ABL1: variants seen among roughly 807,000 people sequenced by gnomAD.
ABL1 encodes ABL proto-oncogene 1, non-receptor tyrosine kinase.
A neutral mutation model predicts 94.7 loss-of-function variants in ABL1; 11 were observed. The ratio of observed to expected loss-of-function variants is 0.12; its 90% CI spans 0.07 to 0.19. The LOEUF (loss-of-function observed/expected upper bound fraction) is 0.19. Among genes scored for constraint, ABL1 ranks in the 10% least tolerant of loss-of-function variants. The probability of loss-of-function intolerance (pLI) is 1.00; values close to 1 mark genes in which losing one functional copy is unlikely to be tolerated. For missense variants in ABL1, 1,082 were observed against 1,489.4 expected, an observed-to-expected ratio of 0.73 and a Z score of 4.50; for synonymous variants, 656 against 622.4, an observed-to-expected ratio of 1.05 and a Z score of -0.80.
upstream of ABL1, among the ~76,000 whole-genome samples, chr9:130,833,593 C>G (rs930014494): frequency 6.6e-6 from 1 of 152,222 alleles, no homozygotes; most frequent in East Asian, 1.9e-4. Flanking sequence ...ATGGTGCCCT[C>G]TTGGATGCTC....
chr9:130,782,780 G>A (rs1036412966), intron 1 of ABL1, among the ~76,000 whole-genome samples: 5 of 151,756 alleles, frequency 3.3e-5, no homozygotes, highest in African/African-American at 1.2e-4. Flanking sequence ...GTGGGAAGTT[G>A]TGGAATTCTG....
chr9:130,825,401 T>C (rs760122022), intron 1 of ABL1, among the ~76,000 whole-genome samples: 1 of 152,210 alleles, frequency 6.6e-6, no homozygotes, highest in Non-Finnish European at 1.5e-5. Context: ...GAGGAAAATA[T>C]TAACCATTGG....
intron 1 of ABL1, among the ~76,000 whole-genome samples, chr9:130,787,026 A>G (rs1183370468): frequency 1.3e-5 from 2 of 152,160 alleles, no homozygotes; most frequent in Non-Finnish European, 2.9e-5. Context: ...TTATCATTAT[A>G]TGCTGTTTCT....
In ABL1 at chr9:130,886,641, C is replaced by T. The variant is rs1831588826; in HGVS notation, c.*958C>T. The T allele has an allele frequency of 8.6e-6, 2 of 233,748 alleles. No homozygotes were observed. Among genetic ancestry groups the T allele is most frequent in the Non-Finnish European group, 8.5e-6 (1 of 118,076 alleles). The allele number at this position is 233,748 out of a possible 1,614,324, so 14.5% of individuals were successfully genotyped here. ...GCCCAGAGTGAACCGTCCTTTCACA[C>T]ATCTGGGTGCCCTGAAAGGGCCCTT... is the stretch of plus-strand genomic sequence containing the variant. On this transcript the variant is annotated 3_prime_UTR_variant, in exon 11 of 11. Transcript: ENST00000318560.
At position 130,880,299 on chromosome 9, in the gene ABL1, A is replaced by T. The variant is rs1831429227; in HGVS notation, c.1513+142A>T. 9 of 1,103,368 alleles carry T rather than the reference A, an allele frequency of 8.2e-6. No homozygotes were observed. Among genetic ancestry groups the T allele is most frequent in the Non-Finnish European group, 1.2e-5 (9 of 745,360 alleles). 68.3% of individuals were successfully genotyped at this position (1,103,368 alleles called of 1,614,324 possible). ...ACCAGAAAGCTGGGCAGAGGTGTGGAGTATTGTGCTTTCTTGTCTGCTGCA... is the reference window on the plus strand; with the variant it reads ...ACCAGAAAGCTGGGCAGAGGTGTGGTGTATTGTGCTTTCTTGTCTGCTGCA... On this transcript the variant is annotated intron_variant, in intron 9 of 10. Transcript: ENST00000318560. This position sits in a 1 kb window ranked among gnomAD's most constrained non-coding sequence, Gnocchi z 4.4.
intron 1 of ABL1, among the ~76,000 whole-genome samples, chr9:130,801,497 A>G (rs529642534): frequency 4.3e-4 from 66 of 152,364 alleles, no homozygotes; most frequent in Non-Finnish European, 8.4e-4. Flanking sequence ...AAGTGCTGGG[A>G]TGACAGGCGT....
chr9:130,835,388 C>A lies in ABL1; in HGVS notation c.-59C>A, dbSNP rs746399848. ...CGCGCGGGCCGAGCCGGGCCTGAGC[C>A]GGGCCCGCGGACCGAGCTGGGAGAG... On this transcript the variant is annotated 5_prime_UTR_variant, in exon 1 of 11. Transcript: ENST00000318560. The surrounding 1 kb of genome is among the most constrained non-coding windows in gnomAD (Gnocchi z 4.6). 1.2e-4 allele frequency: 158 copies of A among 1,294,078 alleles called. No individual in the cohort carries two copies. The East Asian group carries it at 5.5e-3, about 45-fold the overall frequency. 80.2% of individuals were successfully genotyped at this position (1,294,078 alleles called of 1,614,324 possible).
intron 7 of ABL1, among the ~76,000 whole-genome samples, chr9:130,876,162 G>GT (rs373003984): frequency 0.025 from 3,741 of 151,000 alleles, 49 homozygotes; most frequent in Non-Finnish European, 0.031. Context: ...TTTTGTGGGG[G>GT]TTTTTTTTTG....
chr9:130,853,931 C>A, intron 1 of ABL1, 133 bp from the exon 2 acceptor site: 1 of 895,330 alleles, frequency 1.1e-6, no homozygotes, highest in Non-Finnish European at 1.7e-6. Flanking sequence ...ATAGTATGTA[C>A]AGATGTTAAG....
chr9:130,869,244 C>T (rs975930802), intron 4 of ABL1, among the ~76,000 whole-genome samples: 1 of 152,130 alleles, frequency 6.6e-6, no homozygotes, highest in Non-Finnish European at 1.5e-5. Flanking sequence ...CCCTAGTATT[C>T]ATTAAAGAAC....
intron 1 of ABL1, among the ~76,000 whole-genome samples, chr9:130,817,909 A>G (rs1830310153): frequency 6.6e-6 from 1 of 152,222 alleles, no homozygotes. Context: ...AAGCATTCAC[A>G]TAGAGGCTTT....
intron 1 of ABL1, among the ~76,000 whole-genome samples, chr9:130,795,147 CCTTTT>C (rs1829958592): frequency 6.6e-6 from 1 of 152,076 alleles, no homozygotes; most frequent in Non-Finnish European, 1.5e-5. Context: ...TGCAGTTGGG[CCTTTT>C]GTCCATTGGT....
rs1448312166 is a variant in ABL1 at position 130,859,672 on chromosome 9, CTTTCCTTT to C, written c.550-3087_550-3080del. 8.8e-3 allele frequency among the ~76,000 whole-genome samples: 760 copies of C among 86,516 alleles called. 44 individuals carry two copies. Among genetic ancestry groups the C allele is most frequent in the African/African-American group, 0.033 (709 of 21,266 alleles). 56.8% of individuals were successfully genotyped at this position (86,516 alleles called of 152,430 possible). Reference sequence around the variant, plus strand: ...AAAAGAAACGCTGTTTCTTTTCTTTCTTTCCTTTTTTTTTTTTTTTTTTTTTTTTTTTT... The same window carrying C: ...AAAAGAAACGCTGTTTCTTTTCTTTCTTTTTTTTTTTTTTTTTTTTTTTTT... On this transcript the variant is annotated intron_variant, in intron 3 of 10. Transcript: ENST00000318560.
chr9:130,741,347 C>A (rs1049990483), intron 1 of ABL1, among the ~76,000 whole-genome samples: 8 of 152,068 alleles, frequency 5.3e-5, no homozygotes, highest in Non-Finnish European at 1.2e-4. Flanking sequence ...GCCAGAGTAA[C>A]AGTTACAGCA....
At chr9:130,869,634 T>G (rs954883564) in intron 4 of ABL1, among the ~76,000 whole-genome samples, 1 of 152,164 alleles carries the variant, frequency 6.6e-6, no homozygotes, top group Non-Finnish European at 1.5e-5. Context: ...AGGCTGAAAA[T>G]TCATAGCTTT....
At chr9:130,852,670 G>T (rs1481514328) in intron 1 of ABL1, among the ~76,000 whole-genome samples, 1 of 151,700 alleles carries the variant, frequency 6.6e-6, no homozygotes, top group East Asian at 1.9e-4. Context: ...GAGCGTTTGA[G>T]CCCTGTTCAA....
At chr9:130,804,298 G>T (rs56285958) in intron 1 of ABL1, among the ~76,000 whole-genome samples, 37,741 of 151,844 alleles carry the variant, frequency 0.25, 6,134 homozygotes, top group African/African-American at 0.47. Context: ...GGCGGATCTC[G>T]GCAGTGAGCT....
intron 4 of ABL1, among the ~76,000 whole-genome samples, chr9:130,871,759 T>C (rs1444278529): frequency 6.6e-6 from 1 of 152,248 alleles, no homozygotes; most frequent in Non-Finnish European, 1.5e-5. Context: ...CCAGGTTCCC[T>C]GGGGAAAGTG....
intron 1 of ABL1, among the ~76,000 whole-genome samples, chr9:130,787,403 C>T (rs75385521): frequency 0.032 from 4,807 of 152,078 alleles, 256 homozygotes; most frequent in African/African-American, 0.11. Context: ...GAATTTCCCA[C>T]GTTTCCCCCC....
Sources: allele counts gnomAD v4.1 joint callset (sites outside exome capture counted in the v4.1 genomes callset), GRCh38; gene constraint gnomAD v4.1.1; non-coding constraint Gnocchi (gnomAD v3.1); transcripts MANE v1.5; gene names NCBI Gene and HGNC (gene_info 2026-07-23, HGNC 2026-07-21).